GREB1: variants seen among roughly 807,000 people sequenced by gnomAD.
GREB1 encodes protein GREB1.
In GREB1, 106 loss-of-function variants were observed where a neutral mutation model predicts 200.7. The ratio of observed to expected loss-of-function variants is 0.53; its 90% confidence interval spans 0.45 to 0.62. GREB1 has a LOEUF of 0.62. Among genes scored for constraint, GREB1 ranks in the 20% least tolerant of loss-of-function variants. The pLI, the probability that GREB1 is intolerant of heterozygous loss-of-function variation, is 0.00. For missense variants in GREB1, 2,243 were observed against 2,556.8 expected (o/e 0.88, Z 2.65); for synonymous variants, 1,132 against 1,092.4 (o/e 1.04, Z -0.72).
At chr2:11,604,428 A>G (rs1332178571) in intron 17 of GREB1, among the ~76,000 whole-genome samples, 1 of 152,196 alleles carries the variant, frequency 6.6e-6, no homozygotes, top group Non-Finnish European at 1.5e-5. Context: ...CACACATTAC[A>G]TGCTTCTGTT....
chr2:11,520,521 A>G (rs528713345), intron 1 of GREB1, among the ~76,000 whole-genome samples: 30 of 152,248 alleles, frequency 2.0e-4, no homozygotes, highest in African/African-American at 7.2e-4. Flanking sequence ...GGCCACTCAC[A>G]TTTCTTGGCT....
intron 2 of GREB1, 92 bp from the exon 3 acceptor site, chr2:11,562,370 GA>G (rs1303248148): frequency 6.5e-7 from 1 of 1,536,944 alleles, no homozygotes; most frequent in Admixed American, 1.9e-5. Flanking sequence ...TGGGCTTGTT[GA>G]GCCTGAGAAT....
At chr2:11,529,792 T>C (rs1271735530), upstream of GREB1, among the ~76,000 whole-genome samples, 1 of 152,220 alleles carries the variant, frequency 6.6e-6, no homozygotes, top group African/African-American at 2.4e-5. Context: ...ACATTGTGGA[T>C]GAACTTCAGG....
rs1679313064 is a variant in GREB1 at position 11,580,139 on chromosome 2, TGGGGGAAACCA to T, written c.773-564_773-554del. Among the ~76,000 whole-genome samples the T allele has an allele frequency of 1.3e-5, 2 of 152,088 alleles. No individual in the cohort carries two copies. Among genetic ancestry groups the T allele is most frequent in the Non-Finnish European group, 2.9e-5 (2 of 68,012 alleles). ...CTTCTTCACTATCACGAGAACAGTA[TGGGGGAAACCA>T]CCCCCATGATTCAATTACCTCCCGC... On this transcript the variant is annotated intron_variant, in intron 6 of 32. Transcript: ENST00000381486. This position sits in a 1 kb window ranked among gnomAD's most constrained non-coding sequence, Gnocchi z 4.5.
upstream of GREB1, among the ~76,000 whole-genome samples, chr2:11,532,552 G>A (rs1674113492): frequency 6.6e-6 from 1 of 152,218 alleles, no homozygotes; most frequent in African/African-American, 2.4e-5. Context: ...TGACCTAGAA[G>A]CAACCAAAAT....
At chr2:11,483,220 T>G (rs562720260) in intron 1 of GREB1, among the ~76,000 whole-genome samples, 31 of 149,956 alleles carry the variant, frequency 2.1e-4, no homozygotes, top group East Asian at 6.0e-4. Flanking sequence ...CGCGTGTGTG[T>G]GGGGTGTGCG....
intron 20 of GREB1, among the ~76,000 whole-genome samples, chr2:11,615,501 T>C (rs1312116600): frequency 6.6e-6 from 1 of 152,232 alleles, no homozygotes; most frequent in African/African-American, 2.4e-5. Context: ...GTTTGTTTTC[T>C]CCCCATCTCT....
chr2:11,496,261 G>A (rs973324725), intron 1 of GREB1, among the ~76,000 whole-genome samples: 1 of 152,154 alleles, frequency 6.6e-6, no homozygotes, highest in Non-Finnish European at 1.5e-5. Context: ...GATTTGGGCT[G>A]GGGTCACCAA....
intron 1 of GREB1, among the ~76,000 whole-genome samples, chr2:11,505,805 C>T (rs1673168869): frequency 6.6e-6 from 1 of 152,028 alleles, no homozygotes; most frequent in South Asian, 2.1e-4. Flanking sequence ...TGTGATCACA[C>T]CACTGCACTC....
rs1358264848 is a variant in GREB1 at position 11,548,123 on chromosome 2, G to T, written c.-161-8331G>T. On this transcript the variant is annotated intron_variant, in intron 1 of 32. Coordinates refer to ENST00000381486, the MANE Select transcript of GREB1 (RefSeq NM_014668.4). The surrounding 1 kb of genome is among the most constrained non-coding windows in gnomAD (Gnocchi z 5.1). ...AGCCCAGGAGTTGAGGCTACAGTGAGCTGTGACTGCACCACTGCACTACAG... is the reference window on the plus strand; with the variant it reads ...AGCCCAGGAGTTGAGGCTACAGTGATCTGTGACTGCACCACTGCACTACAG... Among the ~76,000 whole-genome samples, 1 of 151,874 alleles carries T rather than the reference G, an allele frequency of 6.6e-6. No homozygotes were observed. The highest frequency in any genetic ancestry group is 1.5e-5 in the Non-Finnish European group (1 of 67,962).
upstream of GREB1, among the ~76,000 whole-genome samples, chr2:11,531,691 C>T (rs1195980302): frequency 1.3e-5 from 2 of 152,104 alleles, no homozygotes; most frequent in Non-Finnish European, 2.9e-5. Flanking sequence ...CTGCATCAGC[C>T]TCCCAAGTAG....
intron 18 of GREB1, 110 bp from the exon 19 acceptor site, chr2:11,612,385 A>G: frequency 1.4e-6 from 2 of 1,452,388 alleles, no homozygotes; most frequent in East Asian, 2.5e-5. Context: ...TGGTCAGAAG[A>G]TATAGTTCAA....
At chr2:11,487,961 T>C (rs565116067) in intron 1 of GREB1, among the ~76,000 whole-genome samples, 3 of 152,180 alleles carry the variant, frequency 2.0e-5, no homozygotes, top group South Asian at 2.1e-4. Flanking sequence ...ACCATACTTA[T>C]TTAGTTTTGA....
At chr2:11,562,683 C>T (rs1677197766) in intron 3 of GREB1, 101 bp downstream of exon 3, 2 of 1,322,706 alleles carry the variant, frequency 1.5e-6, no homozygotes, top group African/African-American at 1.5e-5. Context: ...TGCAGGGGTC[C>T]TCTTTGCTCT....
intron 29 of GREB1, among the ~76,000 whole-genome samples, 175 bp from the exon 30 acceptor site, chr2:11,635,095 T>C (rs1367683181): frequency 2.0e-5 from 3 of 152,200 alleles, no homozygotes; most frequent in Non-Finnish European, 4.4e-5. Flanking sequence ...TGCGTTTTCC[T>C]TGTCTGTTTT....
chr2:11,629,875 G>C lies in GREB1; in HGVS notation c.4450-73G>C. 1 of 1,465,884 alleles carries C rather than the reference G, an allele frequency of 6.8e-7. No homozygotes were observed. Among genetic ancestry groups the C allele is most frequent in the Non-Finnish European group, 9.4e-7 (1 of 1,058,310 alleles). The allele number at this position is 1,465,884 out of a possible 1,614,324, so 90.8% of individuals were successfully genotyped here. A position where few individuals can be genotyped will look rare whatever the true frequency, so the allele number is the denominator to read the frequency against. On this transcript the variant is annotated intron_variant, in intron 25 of 32. Coordinates refer to ENST00000381486, the MANE Select transcript of GREB1 (RefSeq NM_014668.4). The surrounding 1 kb of genome is among the most constrained non-coding windows in gnomAD (Gnocchi z 5.2). ...CTGTGAGCTGCACGTTGTCACAGCA[G>C]AGTGGGCCTGGGGTCTTCTGGGAAG... is the stretch of plus-strand genomic sequence containing the variant.
Position 11,592,914 on chromosome 2 carries a change from C to G in GREB1, c.1484C>G (p.Pro495Arg), listed in dbSNP as rs1375057820. Residue 495 changes from proline to arginine, a missense_variant, in exon 11 of 33, where the codon CCC becomes CGC. By Grantham distance (103) the Pro-to-Arg change is moderately radical (BLOSUM62 -2). Transcript: ENST00000381486. ...PFPPAPSAAA[P>R]VTSAQLPWLA... ...CCGCCCGCGCCCAGCGCCGCGGCAC[C>G]CGTGACCTCCGCGCAGCTGCCCTGG... 1.3e-6 allele frequency: 2 copies of G among 1,586,624 alleles called. No individual in the cohort carries two copies. Among genetic ancestry groups the G allele is most frequent in the Non-Finnish European group, 1.7e-6 (2 of 1,166,340 alleles).
chr2:11,642,023 C>A lies in GREB1; in HGVS notation c.*1569C>A, dbSNP rs563644130. 1 of 152,338 alleles carries A rather than the reference C, an allele frequency of 6.6e-6. No individual in the cohort carries two copies. Among genetic ancestry groups the A allele is most frequent in the Non-Finnish European group, 1.5e-5 (1 of 68,034 alleles). The allele number at this position is 152,338 out of a possible 1,614,324, so 9.4% of individuals were successfully genotyped here. On this transcript the variant is annotated 3_prime_UTR_variant, in exon 33 of 33. Coordinates refer to ENST00000381486, the MANE Select transcript of GREB1 (RefSeq NM_014668.4). ...ACTCTGCAGTCCAGGTCTCCCTTCT[C>A]CCACTTGCCTACCCTCAATGCCACA...
chr2:11,514,123 A>G (rs55721243), intron 1 of GREB1, among the ~76,000 whole-genome samples: 11,979 of 152,244 alleles, frequency 0.079, 1,440 homozygotes, highest in African/African-American at 0.26. Context: ...AATCTACATG[A>G]CAAAAGGCAA....
Sources: allele counts gnomAD v4.1 joint callset (sites outside exome capture counted in the v4.1 genomes callset), GRCh38; gene constraint gnomAD v4.1.1; non-coding constraint Gnocchi (gnomAD v3.1); transcripts MANE v1.5; gene names NCBI Gene and HGNC (gene_info 2026-07-23, HGNC 2026-07-21).